ITPR2: variants seen among roughly 807,000 people sequenced by gnomAD.
The protein encoded by ITPR2 is inositol 1,4,5-trisphosphate-gated calcium channel ITPR2.
A neutral mutation model predicts 317.1 loss-of-function variants in ITPR2; 207 were observed. The ratio of observed to expected loss-of-function variants is 0.65; its 90% CI spans 0.58 to 0.73. ITPR2 has a LOEUF of 0.73. Among genes scored for constraint, ITPR2 ranks in the 30% least tolerant of loss-of-function variants. The pLI, the probability that ITPR2 is intolerant of heterozygous loss-of-function variation, is 0.00. For synonymous variants in ITPR2, 1,156 were observed against 1,149.1 expected (o/e 1.01, Z -0.12); for missense variants, 2,613 against 3,284.0 (o/e 0.80, Z 4.99).
chr12:26,819,379 C>T (rs746359244), intron 1 of ITPR2, among the ~76,000 whole-genome samples: 8 of 152,148 alleles, frequency 5.3e-5, no homozygotes, highest in Non-Finnish European at 7.4e-5. Flanking sequence ...TATAAATTAA[C>T]GAGGAACAAA....
intron 34 of ITPR2, among the ~76,000 whole-genome samples, chr12:26,562,636 G>T (rs1291511731): frequency 2.6e-5 from 4 of 152,242 alleles, no homozygotes; most frequent in South Asian, 4.2e-4. Flanking sequence ...GTTAGAAAAG[G>T]TCTTCCCAGG....
chr12:26,682,828 T>C (rs1362548113), intron 11 of ITPR2, among the ~76,000 whole-genome samples, 155 bp from the exon 12 acceptor site: 1 of 152,236 alleles, frequency 6.6e-6, no homozygotes, highest in Non-Finnish European at 1.5e-5. Context: ...TTCGGAATTA[T>C]AGACTATTTC....
chr12:26,664,138 C>T (rs188347362), intron 14 of ITPR2, among the ~76,000 whole-genome samples: 254 of 152,176 alleles, frequency 1.7e-3, no homozygotes, highest in Middle Eastern at 3.4e-3. Flanking sequence ...TCAATTTCAC[C>T]AAGTTACATG....
chr12:26,811,559 C>A (rs1950747958), intron 1 of ITPR2, among the ~76,000 whole-genome samples: 1 of 151,982 alleles, frequency 6.6e-6, no homozygotes, highest in Non-Finnish European at 1.5e-5. Context: ...CCCTGGCGGG[C>A]GCCTGTACTC....
intron 26 of ITPR2, among the ~76,000 whole-genome samples, chr12:26,606,657 T>C (rs985636872): frequency 2.0e-5 from 3 of 151,992 alleles, no homozygotes; most frequent in African/African-American, 7.2e-5. Flanking sequence ...ACTGGCTAGG[T>C]ATGATAACTC....
chr12:26,600,033 T>A lies in ITPR2; in HGVS notation c.3755A>T (p.Asn1252Ile). The change falls in exon 29 of 57, where the codon AAT becomes ATT. Residue 1252 changes from asparagine (N) to isoleucine (I), a missense_variant. By Grantham distance (149) the Asn-to-Ile change is moderately radical. Transcript: ENST00000381340. ...LQNFCRGNPQ[N>I]QVLLHKHLNL... is the part of the protein sequence containing the mutation. ...CAGATGTTTATGAAGAAGAACTTGA[T>A]TCTGTGGATTTCCTCGACAGAAATT... The A allele has an allele frequency of 6.2e-7, 1 of 1,606,486 alleles. No individual in the cohort carries two copies. Among genetic ancestry groups the A allele is most frequent in the South Asian group, 1.1e-5 (1 of 90,882 alleles).
Position 26,681,991 on chromosome 12 carries a change from A to G in ITPR2, c.1292T>C (p.Ile431Thr). The change falls in exon 13 of 57, where the codon ATC (isoleucine) becomes ACC (threonine). Residue 431 changes from isoleucine to threonine, a missense_variant. Around this residue, in one of 9 missense-constraint regions of ITPR2, gnomAD observed 515 missense variants for 789.4 expected, o/e 0.65. Coordinates refer to ENST00000381340, the MANE Select transcript of ITPR2 (RefSeq NM_002223.4). ...AACTTCAGACAGTGGAACAGACACG[A>G]TTGCGAACGCTTCTTTATCTTCTTT... is the stretch of plus-strand genomic sequence containing the variant. Reference protein sequence around the residue: ...QTKEDKEAFAIVSVPLSEVRD... With the variant: ...QTKEDKEAFATVSVPLSEVRD... 1 of 1,613,748 alleles carries G rather than the reference A, an allele frequency of 6.2e-7. No individual in the cohort carries two copies.
At chr12:26,515,515 AAAG>A (rs1419979566) in intron 37 of ITPR2, among the ~76,000 whole-genome samples, 2 of 152,140 alleles carry the variant, frequency 1.3e-5, no homozygotes, top group East Asian at 1.9e-4. Flanking sequence ...AAATCAACAA[AAAG>A]AAGGAGAAGA....
chr12:26,722,659 G>T, intron 4 of ITPR2, 104 bp from the exon 5 acceptor site: 1 of 809,504 alleles, frequency 1.2e-6, no homozygotes, highest in Non-Finnish European at 1.9e-6. Context: ...AACATGGCTT[G>T]AGATGAAAAT....
chr12:26,545,962 A>G (rs1171792971), intron 37 of ITPR2, among the ~76,000 whole-genome samples: 2 of 152,218 alleles, frequency 1.3e-5, no homozygotes, highest in African/African-American at 4.8e-5. Flanking sequence ...TTCTGCTTCC[A>G]CTGATAGAAA....
chr12:26,797,139 A>C (rs1231176461), intron 1 of ITPR2, among the ~76,000 whole-genome samples: 1 of 152,196 alleles, frequency 6.6e-6, no homozygotes, highest in African/African-American at 2.4e-5. Flanking sequence ...TAAAAATCTC[A>C]AAAACATAAA....
At position 26,439,289 on chromosome 12, in the gene ITPR2, T is replaced by A; in HGVS notation, c.6481A>T (p.Ile2161Leu). The A allele has an allele frequency of 1.2e-6, 2 of 1,610,006 alleles. No homozygotes were observed. Among genetic ancestry groups the A allele is most frequent in the Non-Finnish European group, 1.7e-6 (2 of 1,178,334 alleles). ...CATATATTGGGGACAGGAAAAACTA[T>A]TTGTTCCATGGTCCTATCATGCCGG... ...IVRHDRTMEQ[I>L]VFPVPNICEY... The change falls in exon 47 of 57, where the codon ATA (isoleucine) becomes TTA (leucine). Residue 2161 changes from isoleucine to leucine, a missense_variant. Ile to Leu is a conservative substitution (Grantham distance 5, BLOSUM62 2). Coordinates refer to ENST00000381340, the MANE Select transcript of ITPR2 (RefSeq NM_002223.4).
chr12:26,345,350 G>A (rs1413757342), intron 55 of ITPR2, among the ~76,000 whole-genome samples: 1 of 152,134 alleles, frequency 6.6e-6, no homozygotes, highest in African/African-American at 2.4e-5. Context: ...AAACTGTGGA[G>A]AGTACTGAAT....
chr12:26,806,472 C>G (rs1394564580), intron 1 of ITPR2, among the ~76,000 whole-genome samples: 1 of 151,978 alleles, frequency 6.6e-6, no homozygotes, highest in Non-Finnish European at 1.5e-5. Flanking sequence ...TTTATATTCA[C>G]TCATCCTTTT....
intron 34 of ITPR2, among the ~76,000 whole-genome samples, chr12:26,577,863 T>C (rs1436458016): frequency 6.6e-6 from 1 of 152,200 alleles, no homozygotes; most frequent in African/African-American, 2.4e-5. Flanking sequence ...CCTGGCCAAA[T>C]TGCATAACCT....
At chr12:26,553,553 G>A (rs572298162) in intron 36 of ITPR2, among the ~76,000 whole-genome samples, 1 of 151,904 alleles carries the variant, frequency 6.6e-6, no homozygotes, top group Admixed American at 6.6e-5. Context: ...TTGGGAGGCC[G>A]ATGTGGGTGG....
Position 26,622,377 on chromosome 12 carries a change from C to A in ITPR2, c.3151G>T (p.Asp1051Tyr), listed in dbSNP as rs772387642. 7 of 1,605,154 alleles carry A rather than the reference C, an allele frequency of 4.4e-6. No homozygotes were observed. Among genetic ancestry groups the A allele is most frequent in the South Asian group, 1.1e-5 (1 of 88,952 alleles). The change falls in exon 25 of 57, where the codon GAT becomes TAT. Residue 1051 changes from aspartate (D) to tyrosine (Y), a missense_variant. Physicochemically the swap from Asp to Tyr is radical, Grantham distance 160. Coordinates refer to ENST00000381340, the MANE Select transcript of ITPR2 (RefSeq NM_002223.4). Reference protein sequence around the residue: ...RKEKNPVQLDDEGGRTFLRVL... With the variant: ...RKEKNPVQLDYEGGRTFLRVL... ...CGTAAAAACGTCCTGCCTCCTTCAT[C>A]GTCAAGTTGAACTGGATTTTTTTCT...
At chr12:26,467,163 T>C (rs560077981) in intron 45 of ITPR2, among the ~76,000 whole-genome samples, 2 of 152,268 alleles carry the variant, frequency 1.3e-5, no homozygotes, top group South Asian at 2.1e-4. Context: ...CTTTAGCTAT[T>C]TGGAGTAATT....
intron 55 of ITPR2, among the ~76,000 whole-genome samples, chr12:26,381,713 T>C (rs1939515204): frequency 6.6e-6 from 1 of 152,162 alleles, no homozygotes. Flanking sequence ...AGTTTGCAAC[T>C]GTGATGCAGT....
Sources: gnomAD v4.1 joint callset for allele counts (sites outside exome capture counted in the v4.1 genomes callset) on GRCh38, gnomAD v4.1.1 for gene constraint, gnomAD v4.1.1 regional missense constraint, MANE v1.5 for transcripts, NCBI Gene and HGNC (gene_info 2026-07-23, HGNC 2026-07-21) for gene names.